SAMD4B: variants seen among roughly 807,000 people sequenced by gnomAD.
SAMD4B encodes the protein sterile alpha motif domain containing 4B.
Under a neutral mutation model 74.5 loss-of-function variants are expected in SAMD4B, and 5 were observed. That is an observed-to-expected ratio of 0.07 (90% CI 0.04 to 0.14). The LOEUF is 0.14. Among genes scored for constraint, SAMD4B ranks in the 10% least tolerant of loss-of-function variants. The pLI is 1.00. For synonymous variants in SAMD4B, 373 were observed against 374.9 expected (o/e 1.00, Z 0.06); for missense variants, 608 against 921.8 (o/e 0.66, Z 4.41).
chr19:39,355,486 G>A (rs2076293869), intron 2 of SAMD4B, among the ~76,000 whole-genome samples: 1 of 152,144 alleles, frequency 6.6e-6, no homozygotes, highest in Non-Finnish European at 1.5e-5. Flanking sequence ...CCTGAGCCCA[G>A]TAGGTTCAAT....
intron 1 of SAMD4B, among the ~76,000 whole-genome samples, chr19:39,344,831 C>T (rs1056054257): frequency 2.0e-5 from 3 of 152,122 alleles, no homozygotes; most frequent in Admixed American, 1.3e-4. Flanking sequence ...TTCTTAGGTG[C>T]CATGCTCATA....
downstream of SAMD4B, chr19:39,389,538 C>T (rs188491796): frequency 2.5e-6 from 4 of 1,614,196 alleles, no homozygotes; most frequent in South Asian, 4.4e-5. This position sits in a 1 kb window ranked among gnomAD's most constrained non-coding sequence, Gnocchi z 5.3. Flanking sequence ...TCAGCTGGAT[C>T]TAGAAGAACT....
chr19:39,354,471 A>G (rs1476319632), intron 2 of SAMD4B, among the ~76,000 whole-genome samples: 1 of 152,138 alleles, frequency 6.6e-6, no homozygotes. Context: ...AGAAATCCCA[A>G]GTGTGGCTTC....
chr19:39,381,808 C>T (rs1177184071), intron 12 of SAMD4B, among the ~76,000 whole-genome samples: 3 of 152,166 alleles, frequency 2.0e-5, no homozygotes, highest in Non-Finnish European at 4.4e-5. Flanking sequence ...GGCACACACC[C>T]GTAGTCCCAG....
intron 1 of SAMD4B, chr19:39,351,428 T>C (rs2076035369): frequency 6.6e-6 from 1 of 152,174 alleles, no homozygotes; most frequent in Admixed American, 6.5e-5. Flanking sequence ...CCTCTTGTGT[T>C]TTTCCTCAAA....
At chr19:39,363,252 C>T (rs973119769) in intron 3 of SAMD4B, among the ~76,000 whole-genome samples, 1 of 152,190 alleles carries the variant, frequency 6.6e-6, no homozygotes, top group Non-Finnish European at 1.5e-5. Context: ...TCCTCAACCT[C>T]TCCATGTTTG....
downstream of SAMD4B, chr19:39,386,848 C>G (rs940322979): frequency 8.0e-7 from 1 of 1,249,926 alleles, no homozygotes; most frequent in South Asian, 1.2e-5. This position sits in a 1 kb window ranked among gnomAD's most constrained non-coding sequence, Gnocchi z 6.1. Context: ...CAGTTAAAGA[C>G]ACACCTCCCA....
downstream of SAMD4B, chr19:39,390,415 T>G: frequency 1.2e-6 from 1 of 861,378 alleles, no homozygotes; most frequent in Non-Finnish European, 1.9e-6. Context: ...GGTGGTGGTG[T>G]GGGGAGTGTC....
Position 39,385,231 on chromosome 19 carries a change from C to T in SAMD4B, c.*1704C>T. 1 of 276,432 alleles carries T rather than the reference C, an allele frequency of 3.6e-6. No homozygotes were observed. Among genetic ancestry groups the T allele is most frequent in the Non-Finnish European group, 6.7e-6 (1 of 148,726 alleles). 17.1% of individuals were successfully genotyped at this position (276,432 alleles called of 1,614,324 possible). A position where few individuals can be genotyped will look rare whatever the true frequency, so the allele number is the denominator to read the frequency against. On this transcript the variant is annotated 3_prime_UTR_variant, in exon 14 of 14. Transcript: ENST00000610417. ...CAATCTCCCAGGGCTTCTCCAGTCC[C>T]CCTCCCACTAGCTGCAGGAAGTGGG...
At chr19:39,358,494 C>T (rs1194087318) in intron 3 of SAMD4B, among the ~76,000 whole-genome samples, 1 of 151,936 alleles carries the variant, frequency 6.6e-6, no homozygotes, top group Non-Finnish European at 1.5e-5. Context: ...TCATGATCTG[C>T]CCACCTCAGC....
At chr19:39,360,906 T>G (rs1344044630) in intron 3 of SAMD4B, among the ~76,000 whole-genome samples, 4 of 152,174 alleles carry the variant, frequency 2.6e-5, no homozygotes, top group Non-Finnish European at 5.9e-5. Flanking sequence ...CCCAGGTTCT[T>G]CTGCTCACCA....
chr19:39,382,493 G>T (rs1275524064), intron 12 of SAMD4B, among the ~76,000 whole-genome samples: 1 of 152,132 alleles, frequency 6.6e-6, no homozygotes, highest in Non-Finnish European at 1.5e-5. Context: ...TGAGCTCAGG[G>T]TTCAGAGGGA....
intron 3 of SAMD4B, among the ~76,000 whole-genome samples, chr19:39,362,364 G>A (rs2076706952): frequency 6.6e-6 from 1 of 152,196 alleles, no homozygotes; most frequent in African/African-American, 2.4e-5. Context: ...CCTACTAGAA[G>A]TGGGGAGTCG....
rs368811643 is a variant in SAMD4B at position 39,362,692 on chromosome 19, C to CAGG, written c.196+5608_196+5610dup. 2.6e-5 allele frequency among the ~76,000 whole-genome samples: 4 copies of CAGG among 152,242 alleles called. 1 individual carries two copies. The highest frequency in any genetic ancestry group is 9.6e-5 in the African/African-American group (4 of 41,546). On this transcript the variant is annotated intron_variant, in intron 3 of 13. Coordinates refer to ENST00000610417, the MANE Select transcript of SAMD4B (RefSeq NM_001384574.2). ...TGGACCAGAAGGCTGTTCCTATGGA[C>CAGG]AGGAGGAAGGAGACTAGGGGGGTCA...
Position 39,378,611 on chromosome 19 carries a change from T to G in SAMD4B, c.1530+22T>G. Reference sequence around the variant, plus strand: ...TGAGGTAAGGCCTTCCCTAGCATACTCAAAAAGGGAAAGGCGGCCAGGCGT... The same window carrying G: ...TGAGGTAAGGCCTTCCCTAGCATACGCAAAAAGGGAAAGGCGGCCAGGCGT... On this transcript the variant is annotated intron_variant, in intron 9 of 13. Coordinates refer to ENST00000610417, the MANE Select transcript of SAMD4B (RefSeq NM_001384574.2). This position sits in a 1 kb window ranked among gnomAD's most constrained non-coding sequence, Gnocchi z 4.4. 6.2e-7 allele frequency: 1 copy of G among 1,608,716 alleles called. No homozygotes were observed. Among genetic ancestry groups the G allele is most frequent in the South Asian group, 1.1e-5 (1 of 90,948 alleles).
Position 39,381,123 on chromosome 19 carries a change from C to G in SAMD4B, c.1972+10C>G, listed in dbSNP as rs199753892. The stretch of plus-strand genomic sequence containing the variant: ...CTCATGTTCCCTCCAGGTGAGGTGC[C>G]CCACCCTTGGGACTCTGCCTGGCCA... On this transcript the variant is annotated intron_variant, in intron 12 of 13. Coordinates refer to ENST00000610417, the MANE Select transcript of SAMD4B (RefSeq NM_001384574.2). 1.7e-4 allele frequency: 271 copies of G among 1,591,694 alleles called. No individual in the cohort carries two copies. Among genetic ancestry groups the G allele is most frequent in the South Asian group, 2.4e-4 (21 of 87,826 alleles).
chr19:39,386,539 G>A, downstream of SAMD4B: 1 of 1,614,076 alleles, frequency 6.2e-7, no homozygotes, highest in Non-Finnish European at 8.5e-7. This position sits in a 1 kb window ranked among gnomAD's most constrained non-coding sequence, Gnocchi z 6.1. Flanking sequence ...TCCTCCTCCG[G>A]TTCGTGGTTT....
downstream of SAMD4B, chr19:39,390,671 C>A: frequency 1.2e-6 from 1 of 818,270 alleles, no homozygotes; most frequent in Non-Finnish European, 2.0e-6. Flanking sequence ...AGGAGGGGAA[C>A]ACCTGAATCT....
At position 39,375,373 on chromosome 19, in the gene SAMD4B, G is replaced by A. The variant is rs2077539787; in HGVS notation, c.668-277G>A. On this transcript the variant is annotated intron_variant, in intron 4 of 13. Transcript: ENST00000610417. The surrounding 1 kb of genome is among the most constrained non-coding windows in gnomAD (Gnocchi z 4.1). ...GCAAGAGTGAAGGCAGGAAACCAAT[G>A]AGGAGGCTGTGGCAGTAATTCCTGC... is the stretch of plus-strand genomic sequence containing the variant. 6.6e-6 allele frequency among the ~76,000 whole-genome samples: 1 copy of A among 152,244 alleles called. No homozygotes were observed. Among genetic ancestry groups the A allele is most frequent in the South Asian group, 2.1e-4 (1 of 4,836 alleles).
Sources: allele counts gnomAD v4.1 joint callset (sites outside exome capture counted in the v4.1 genomes callset), GRCh38; gene constraint gnomAD v4.1.1; non-coding constraint Gnocchi (gnomAD v3.1); transcripts MANE v1.5; gene names NCBI Gene and HGNC (gene_info 2026-07-23, HGNC 2026-07-21).